Variants in LRP1 observed in about 807,000 individuals in gnomAD.
The protein encoded by LRP1 is prolow-density lipoprotein receptor-related protein 1.
LRP1 carries 51 observed loss-of-function variants against 541.5 expected under a neutral mutation model. The ratio of observed to expected loss-of-function variants is 0.09; its 90% CI spans 0.08 to 0.12. The LOEUF is 0.12. Among genes scored for constraint, LRP1 ranks in the 10% least tolerant of loss-of-function variants. The probability of loss-of-function intolerance (pLI) is 1.00; values close to 1 mark genes in which losing one functional copy is unlikely to be tolerated. For synonymous variants in LRP1, 2,219 were observed against 2,470.8 expected (o/e 0.90, Z 3.02); for missense variants, 3,878 against 6,376.2 (o/e 0.61, Z 13.34).
rs1362973012 is a variant in LRP1 at position 57,205,416 on chromosome 12, A to G, written c.11401A>G (p.Thr3801Ala). 6.2e-7 allele frequency: 1 copy of G among 1,609,266 alleles called. No homozygotes were observed. Among genetic ancestry groups the G allele is most frequent in the Admixed American group, 1.7e-5 (1 of 59,978 alleles). Reference protein sequence around the residue: ...ICGDEARCVRTEKAAYCACRS... With the variant: ...ICGDEARCVRAEKAAYCACRS... ...TGGGGACGAGGCACGCTGCGTGCGC[A>G]CCGAGAAAGCGGCCTACTGTGCCTG... is the stretch of plus-strand genomic sequence containing the variant. The change falls in exon 74 of 89, where the codon ACC becomes GCC. Residue 3801 changes from threonine to alanine, a missense_variant. By Grantham distance (58) the Thr-to-Ala change is moderately conservative. Coordinates refer to ENST00000243077, the MANE Select transcript of LRP1 (RefSeq NM_002332.3). This position sits in a 1 kb window ranked among gnomAD's most constrained non-coding sequence, Gnocchi z 4.6.
rs766459506 is a variant in LRP1 at position 57,185,733 on chromosome 12, G to T, written c.6666G>T (p.Ala2222=). 6.2e-7 allele frequency: 1 copy of T among 1,614,174 alleles called. No homozygotes were observed. The highest frequency in any genetic ancestry group is 1.7e-5 in the Admixed American group (1 of 60,024). The change falls in exon 41 of 89, where the codon GCG becomes GCT. Residue 2222 remains alanine (A), a synonymous_variant. Transcript: ENST00000243077. This position sits in a 1 kb window ranked among gnomAD's most constrained non-coding sequence, Gnocchi z 4.9. ...TGTCGGATGAGCGCAACCTCAATGC[G>T]CCCGTGCAGCCCTTCGAGGACCCTG... ...IHLSDERNLN[A]PVQPFEDPEH... is the part of the protein sequence containing the mutation.
Position 57,195,370 on chromosome 12 carries a change from G to A in LRP1, c.8408G>A (p.Gly2803Asp). 3.1e-6 allele frequency: 5 copies of A among 1,609,918 alleles called. No homozygotes were observed. The highest frequency in any genetic ancestry group is 2.2e-5 in the South Asian group (2 of 91,090). Residue 2803 changes from glycine to aspartate, a missense_variant, in exon 52 of 89, where the codon GGT becomes GAT. Gly to Asp is a moderately conservative substitution (Grantham distance 94). This residue lies in a region of LRP1 where 1,100 missense variants were observed against 1,827.4 expected (regional missense o/e 0.60). Coordinates refer to ENST00000243077, the MANE Select transcript of LRP1 (RefSeq NM_002332.3). ...GACGGTGACAAAGACTGTGCTGATG[G>A]TGCAGACGAGAGCATCGCAGCTGGT... ...LCDGDKDCADGADESIAAGCL... is the reference protein window; with the variant it reads ...LCDGDKDCADDADESIAAGCL...
At chr12:57,181,436 C>A in intron 34 of LRP1, 145 bp downstream of exon 34, 1 of 1,028,478 alleles carries the variant, frequency 9.7e-7, no homozygotes, top group Admixed American at 3.0e-5. Context: ...GTGGCTATGA[C>A]TCTCCAGTGC....
chr12:57,207,465 C>T (rs1379608177), intron 76 of LRP1, among the ~76,000 whole-genome samples: 1 of 150,768 alleles, frequency 6.6e-6, no homozygotes, highest in African/African-American at 2.4e-5. Flanking sequence ...CACTCGGTTG[C>T]AGTGGCACCA....
Position 57,179,992 on chromosome 12 carries a change from G to C in LRP1, c.5141+36G>C. The stretch of plus-strand genomic sequence containing the variant: ...GGCCCAGGGCCGGGGAGCATGGGGT[G>C]TGGGGCTGGGAAGAAGAGGACCCTG... On this transcript the variant is annotated intron_variant, in intron 30 of 88. Coordinates refer to ENST00000243077, the MANE Select transcript of LRP1 (RefSeq NM_002332.3). This position sits in a 1 kb window ranked among gnomAD's most constrained non-coding sequence, Gnocchi z 6.8. The C allele has an allele frequency of 6.2e-7, 1 of 1,613,912 alleles. No individual in the cohort carries two copies. Among genetic ancestry groups the C allele is most frequent in the South Asian group, 1.1e-5 (1 of 91,074 alleles).
At position 57,183,899 on chromosome 12, in the gene LRP1, C is replaced by G; in HGVS notation, c.5919C>G (p.Asp1973Glu). ...GCCGTGTGGAGGGCATTGCAGTGGA[C>G]TGGATCGCAGGTGAGCAGTGGGCAG... Reference protein sequence around the residue: ...GIGRVEGIAVDWIAGNIYWTD... With the variant: ...GIGRVEGIAVEWIAGNIYWTD... Residue 1973 changes from aspartate to glutamate, a missense_variant, in exon 36 of 89, where the codon GAC becomes GAG. Transcript: ENST00000243077. The surrounding 1 kb of genome is among the most constrained non-coding windows in gnomAD (Gnocchi z 6.1). 6.2e-7 allele frequency: 1 copy of G among 1,614,108 alleles called. No individual in the cohort carries two copies. Among genetic ancestry groups the G allele is most frequent in the Non-Finnish European group, 8.5e-7 (1 of 1,180,028 alleles).
rs1348605857 is a variant in LRP1 at position 57,167,515 on chromosome 12, T to A, written c.2986T>A (p.Cys996Ser). 1.2e-6 allele frequency: 2 copies of A among 1,613,848 alleles called. No individual in the cohort carries two copies. The highest frequency in any genetic ancestry group is 1.7e-6 in the Non-Finnish European group (2 of 1,179,698). The change falls in exon 19 of 89, where the codon TGC becomes AGC. Residue 996 changes from cysteine to serine, a missense_variant. Physicochemically the swap from Cys to Ser is moderately radical, Grantham distance 112 (BLOSUM62 -1). Transcript: ENST00000243077. The stretch of plus-strand genomic sequence containing the variant: ...CAGATGTATCAACATCAACTGGAGA[T>A]GCGACAATGGTAAGAGCTTGCTCTC... ...NGRCININWR[C>S]DNDNDCGDNS...
Position 57,194,493 on chromosome 12 carries a change from C to G in LRP1, c.8058C>G (p.Arg2686=), listed in dbSNP as rs545868364. 6.2e-7 allele frequency: 1 copy of G among 1,605,830 alleles called. No homozygotes were observed. The highest frequency in any genetic ancestry group is 1.7e-5 in the Admixed American group (1 of 58,576). Reference sequence around the variant, plus strand: ...ACTGTGGGGACTACAGTGATGAGCGCGACTGCCCAGGTGGGCGGGGGCAGG... The same window carrying G: ...ACTGTGGGGACTACAGTGATGAGCGGGACTGCCCAGGTGGGCGGGGGCAGG... ...ANDCGDYSDE[R]DCPGVKRPRC... Residue 2686 remains arginine, a synonymous_variant, in exon 49 of 89, where the codon CGC becomes CGG. Transcript: ENST00000243077.
chr12:57,174,434 G>A (rs1401473948), intron 22 of LRP1, among the ~76,000 whole-genome samples: 1 of 152,140 alleles, frequency 6.6e-6, no homozygotes. Flanking sequence ...GGAGGATGTG[G>A]GGATTGCATG....
At chr12:57,134,938 A>G (rs180901548) in intron 1 of LRP1, among the ~76,000 whole-genome samples, 3 of 152,132 alleles carry the variant, frequency 2.0e-5, no homozygotes, top group Non-Finnish European at 4.4e-5. Context: ...ATCTCCTGAC[A>G]TCATGATCTG....
chr12:57,209,084 C>T lies in LRP1; in HGVS notation c.12147C>T (p.Gly4049=). The change falls in exon 79 of 89, where the codon GGC becomes GGT. Residue 4049 remains glycine, a splice_region_variant and synonymous_variant. Transcript: ENST00000243077. ...TCACAGTGCTCTCTCTCTCCCCAGGCCTGGCCGTGGATTATCACAATGAGC... is the reference window on the plus strand; with the variant it reads ...TCACAGTGCTCTCTCTCTCCCCAGGTCTGGCCGTGGATTATCACAATGAGC... ...LVQDNIQWPT[G]LAVDYHNERL... The T allele has an allele frequency of 6.2e-7, 1 of 1,612,044 alleles. No homozygotes were observed.
At chr12:57,169,096 C>T (rs1012605983) in intron 19 of LRP1, 44 bp from the exon 20 acceptor site, 2 of 1,560,362 alleles carry the variant, frequency 1.3e-6, no homozygotes, top group East Asian at 4.5e-5. Context: ...AAGGCTGCTC[C>T]ACCAACTCCC....
At chr12:57,129,214 G>C in intron 1 of LRP1, 183 bp downstream of exon 1, 1 of 622,560 alleles carries the variant, frequency 1.6e-6, no homozygotes, top group Non-Finnish European at 2.8e-6. Flanking sequence ...TGGGGGCCCT[G>C]GGCAAATGAT....
chr12:57,175,726 G>C (rs749475802), intron 23 of LRP1, 21 bp downstream of exon 23: 1 of 1,556,364 alleles, frequency 6.4e-7, no homozygotes, highest in East Asian at 2.3e-5. Flanking sequence ...AGTGAGGTGT[G>C]GTGGGGCAGG....
rs149739844 is a variant in LRP1 at position 57,191,259 on chromosome 12, C to T, written c.7237-61C>T. 2,155 of 1,482,744 alleles carry T rather than the reference C, an allele frequency of 1.5e-3. 43 individuals carry two copies. In the East Asian group the frequency reaches 0.042, roughly 29 times the overall value. 91.8% of individuals were successfully genotyped at this position (1,482,744 alleles called of 1,614,324 possible). On this transcript the variant is annotated intron_variant, in intron 43 of 88. Coordinates refer to ENST00000243077, the MANE Select transcript of LRP1 (RefSeq NM_002332.3). ...TCAGAGGCCAGGCCAGGCTGTGGTC[C>T]GGTGGAGACTGGGCAAGAGGCCTGA... is the stretch of plus-strand genomic sequence containing the variant.
chr12:57,182,745 C>T (rs902865697), intron 34 of LRP1, among the ~76,000 whole-genome samples: 8 of 151,778 alleles, frequency 5.3e-5, no homozygotes, highest in Admixed American at 3.9e-4. Context: ...GAACCTGGGA[C>T]GCGGAGGTTG....
intron 1 of LRP1, among the ~76,000 whole-genome samples, chr12:57,132,790 C>A (rs1055165949): frequency 6.6e-6 from 1 of 152,190 alleles, no homozygotes; most frequent in Non-Finnish European, 1.5e-5. Context: ...CCATTTACCC[C>A]CATCCAGGCC....
Position 57,162,366 on chromosome 12 carries a change from A to G in LRP1, c.2252A>G (p.His751Arg). The stretch of plus-strand genomic sequence containing the variant: ...AACCACGCCTTTGGCCTGTGTCACC[A>G]TGGCAACTACCTCTTCTGGACTGAG... Reference protein sequence around the residue: ...ELNHAFGLCHHGNYLFWTEYR... With the variant: ...ELNHAFGLCHRGNYLFWTEYR... The change falls in exon 14 of 89, where the codon CAT (histidine) becomes CGT (arginine). Residue 751 changes from histidine to arginine, a missense_variant. Physicochemically the swap from His to Arg is conservative, Grantham distance 29. Coordinates refer to ENST00000243077, the MANE Select transcript of LRP1 (RefSeq NM_002332.3). This position sits in a 1 kb window ranked among gnomAD's most constrained non-coding sequence, Gnocchi z 5.2. The G allele has an allele frequency of 1.2e-6, 2 of 1,614,166 alleles. No individual in the cohort carries two copies. The highest frequency in any genetic ancestry group is 1.7e-6 in the Non-Finnish European group (2 of 1,180,020).
Position 57,177,711 on chromosome 12 carries a change from C to A in LRP1, c.4361+120C>A. 8.3e-7 allele frequency: 1 copy of A among 1,202,776 alleles called. No individual in the cohort carries two copies. The allele number at this position is 1,202,776 out of a possible 1,614,324, so 74.5% of individuals were successfully genotyped here. A position where few individuals can be genotyped will look rare whatever the true frequency, so the allele number is the denominator to read the frequency against. On this transcript the variant is annotated intron_variant, in intron 26 of 88. Coordinates refer to ENST00000243077, the MANE Select transcript of LRP1 (RefSeq NM_002332.3). This position sits in a 1 kb window ranked among gnomAD's most constrained non-coding sequence, Gnocchi z 6.8. ...AGGGATCTAGAACTAGGAACGGTGG[C>A]AAAGGACTGGGCACAGGAGGAGGAG...
Sources: gnomAD v4.1 joint callset for allele counts (sites outside exome capture counted in the v4.1 genomes callset) on GRCh38, gnomAD v4.1.1 for gene constraint, gnomAD v4.1.1 regional missense constraint, Gnocchi (gnomAD v3.1) non-coding constraint, MANE v1.5 for transcripts, NCBI Gene and HGNC (gene_info 2026-07-23, HGNC 2026-07-21) for gene names.